ELP6: variants seen among roughly 807,000 people sequenced by gnomAD.
ELP6 encodes elongator complex protein 6.
Under a neutral mutation model 28.1 loss-of-function variants are expected in ELP6, and 23 were observed. The observed-to-expected ratio is 0.82, with a 90% CI of 0.59 to 1.16. The LOEUF (loss-of-function observed/expected upper bound fraction) is 1.16, where lower values mean the gene tolerates loss of function less well. Ranked by LOEUF, ELP6 falls within the 50% of genes most tolerant of loss-of-function variation. ELP6 has a pLI of 0.00. For missense variants in ELP6, 313 were observed against 334.6 expected, an observed-to-expected ratio of 0.94 and a Z score of 0.50; for synonymous variants, 132 against 135.8, an observed-to-expected ratio of 0.97 and a Z score of 0.19.
chr3:47,502,296 G>T, intron 4 of ELP6: 1 of 498,674 alleles, frequency 2.0e-6, no homozygotes, highest in Non-Finnish European at 2.6e-6. Context: ...TGTAATACCA[G>T]CCACTCAGGA....
At chr3:47,510,974 G>A (rs1383474115) in intron 2 of ELP6, among the ~76,000 whole-genome samples, 174 bp downstream of exon 2, 1 of 152,172 alleles carries the variant, frequency 6.6e-6, no homozygotes, top group Non-Finnish European at 1.5e-5. Flanking sequence ...GCAGGGCTGG[G>A]GAAGGAACGA....
chr3:47,502,124 C>T (rs1013232252), intron 4 of ELP6, among the ~76,000 whole-genome samples: 1 of 152,062 alleles, frequency 6.6e-6, no homozygotes. Flanking sequence ...AGACACCATA[C>T]GTAGCTGGGT....
intron 4 of ELP6, 70 bp from the exon 5 acceptor site, chr3:47,501,921 C>A: frequency 6.9e-7 from 1 of 1,442,450 alleles, no homozygotes; most frequent in Non-Finnish European, 9.5e-7. Context: ...CCAAGTAGCA[C>A]GACAGGAGAG....
At position 47,496,577 on chromosome 3, in the gene ELP6, C is replaced by T. The variant is rs1446767058; in HGVS notation, c.673-380G>A. 1.0e-5 allele frequency: 8 copies of T among 770,694 alleles called. No homozygotes were observed. The East Asian group carries it at 9.0e-4, about 87-fold the overall frequency. 47.7% of individuals were successfully genotyped at this position (770,694 alleles called of 1,614,324 possible). A position where few individuals can be genotyped will look rare whatever the true frequency, so the allele number is the denominator to read the frequency against. On this transcript the variant is annotated intron_variant, in intron 6 of 6. Coordinates refer to ENST00000296149, the MANE Select transcript of ELP6 (RefSeq NM_001031703.3). ...GTGGCGCAATCTTGGCTTACTGCAACCTCTGCCTCCTAGGTTCAGGCAATT... is the reference window on the plus strand; with the variant it reads ...GTGGCGCAATCTTGGCTTACTGCAATCTCTGCCTCCTAGGTTCAGGCAATT...
intron 1 of ELP6, chr3:47,512,216 C>A (rs1461549367): frequency 2.1e-5 from 5 of 235,916 alleles, no homozygotes; most frequent in Non-Finnish European, 3.5e-5. Context: ...GAGGAGTTTA[C>A]CATTTCATTA....
chr3:47,496,269 CT>C, intron 6 of ELP6, 72 bp from the exon 7 acceptor site: 1 of 1,553,110 alleles, frequency 6.4e-7, no homozygotes, highest in Non-Finnish European at 8.7e-7. Flanking sequence ...CCCACCCTAC[CT>C]TCTCTGTGCC....
intron 6 of ELP6, among the ~76,000 whole-genome samples, chr3:47,497,755 C>A (rs1344195364): frequency 6.6e-6 from 1 of 151,942 alleles, no homozygotes; most frequent in Non-Finnish European, 1.5e-5. Context: ...ATGGTGAAAC[C>A]CCGTCTCTAC....
chr3:47,505,906 C>T (rs995535632), intron 3 of ELP6, among the ~76,000 whole-genome samples: 1 of 152,108 alleles, frequency 6.6e-6, no homozygotes, highest in Non-Finnish European at 1.5e-5. Context: ...CAGGGTTTCA[C>T]CATACTGACC....
intron 5 of ELP6, chr3:47,498,703 C>T: frequency 1.0e-6 from 1 of 985,392 alleles, no homozygotes; most frequent in Non-Finnish European, 1.2e-6. Flanking sequence ...GCTCAATCTC[C>T]TGAATTCCTG....
rs760355996 is a variant in ELP6 at position 47,501,863 on chromosome 3, G to C, written c.324-12C>G. On this transcript the variant is annotated splice_polypyrimidine_tract_variant and intron_variant, in intron 4 of 6. Coordinates refer to ENST00000296149, the MANE Select transcript of ELP6 (RefSeq NM_001031703.3). ...CAGCATTAGCCTCCCTGGAGAGACA[G>C]GACAAAAGTTACCAGACTTCACTCT... is the stretch of plus-strand genomic sequence containing the variant. 10 of 1,608,364 alleles carry C rather than the reference G, an allele frequency of 6.2e-6. No individual in the cohort carries two copies. The South Asian group carries it at 7.7e-5, about 12-fold the overall frequency.
At chr3:47,513,298 C>T (rs761018656) in intron 1 of ELP6, 11 of 1,349,282 alleles carry the variant, frequency 8.2e-6, no homozygotes, top group Non-Finnish European at 9.5e-6. Context: ...GGCCGCTTCC[C>T]AGGGACTTTT....
intron 1 of ELP6, chr3:47,513,311 G>A: frequency 3.7e-6 from 5 of 1,366,634 alleles, no homozygotes; most frequent in Non-Finnish European, 4.7e-6. Flanking sequence ...GGACTTTTAA[G>A]GACACGCACA....
rs1708725428 is a variant in ELP6, at chr3:47,503,373, G to A, written c.323+957C>T. On this transcript the variant is annotated intron_variant, in intron 4 of 6. Transcript: ENST00000296149. The stretch of plus-strand genomic sequence containing the variant: ...TATGTTTGTGGCCAATGTTCAGAAA[G>A]GAGGAAAAGCAGGAAAACCAGTCTC... 6 of 1,289,678 alleles carry A rather than the reference G, an allele frequency of 4.7e-6. No homozygotes were observed. In the South Asian group the frequency reaches 6.2e-5, roughly 13 times the overall value. The allele number at this position is 1,289,678 out of a possible 1,614,324, so 79.9% of individuals were successfully genotyped here.
chr3:47,504,720 C>G (rs1034414195), intron 3 of ELP6: 9 of 885,634 alleles, frequency 1.0e-5, no homozygotes, highest in African/African-American at 1.8e-5. Flanking sequence ...ACTTGGGAGG[C>G]TGAGGCAGGT....
chr3:47,508,866 T>C lies in ELP6; in HGVS notation c.204+1318A>G, dbSNP rs1015746927. Reference sequence around the variant, plus strand: ...TGCAAGCTCCGCCTCCTGGGTTCACTCAATTCTCCTGCCTCAGTCTCCCAA... The same window carrying C: ...TGCAAGCTCCGCCTCCTGGGTTCACCCAATTCTCCTGCCTCAGTCTCCCAA... On this transcript the variant is annotated intron_variant, in intron 3 of 6. Transcript: ENST00000296149. Among the ~76,000 whole-genome samples, 4 of 149,660 alleles carry C rather than the reference T, an allele frequency of 2.7e-5. No individual in the cohort carries two copies. The East Asian group carries it at 8.0e-4, about 30-fold the overall frequency.
chr3:47,509,102 A>G (rs1474237381), intron 3 of ELP6, among the ~76,000 whole-genome samples: 3 of 150,714 alleles, frequency 2.0e-5, no homozygotes, highest in African/African-American at 7.4e-5. Context: ...GTGTCACTCT[A>G]TAGGAGCATG....
At position 47,511,156 on chromosome 3, in the gene ELP6, T is replaced by C. The variant is rs774818568; in HGVS notation, c.125A>G (p.Tyr42Cys). 1.2e-5 allele frequency: 19 copies of C among 1,613,790 alleles called. No homozygotes were observed. The highest frequency in any genetic ancestry group is 1.4e-5 in the Non-Finnish European group (17 of 1,179,842). ...ATCAATGAGTCCCATACCTTTGAGATAGAAGGAGAGAAAGTGGTGTACAAG... is the reference window on the plus strand; with the variant it reads ...ATCAATGAGTCCCATACCTTTGAGACAGAAGGAGAGAAAGTGGTGTACAAG... ...SFLVHHFLSF[Y>C]LKANCKVCFV... The change falls in exon 2 of 7, where the codon TAT (tyrosine) becomes TGT (cysteine). Residue 42 changes from tyrosine (Y) to cysteine (C), a missense_variant. By Grantham distance (194) the Tyr-to-Cys change is radical. Coordinates refer to ENST00000296149, the MANE Select transcript of ELP6 (RefSeq NM_001031703.3).
chr3:47,503,468 A>G (rs756492372), intron 4 of ELP6: 6 of 1,283,762 alleles, frequency 4.7e-6, no homozygotes, highest in Non-Finnish European at 6.1e-6. Context: ...TAAATATTTT[A>G]GGCTTGCAGG....
intron 6 of ELP6, chr3:47,496,913 G>A (rs1436597507): frequency 1.0e-6 from 1 of 985,264 alleles, no homozygotes; most frequent in Non-Finnish European, 1.2e-6. Flanking sequence ...TGTTTTGATG[G>A]TGTTACTGCT....
Sources: allele counts gnomAD v4.1 joint callset (sites outside exome capture counted in the v4.1 genomes callset), GRCh38; gene constraint gnomAD v4.1.1; transcripts MANE v1.5; gene names NCBI Gene and HGNC (gene_info 2026-07-23, HGNC 2026-07-21).